The following PROZ variants were observed in gnomAD, a reference collection of about 807,000 sequenced individuals.
PROZ encodes the protein protein Z, vitamin K dependent plasma glycoprotein, also known as vitamin K-dependent protein Z.
PROZ carries 46 observed loss-of-function variants against 34.9 expected under a neutral mutation model. That is an observed-to-expected ratio of 1.32 (90% CI 1.04 to 1.69). The LOEUF (loss-of-function observed/expected upper bound fraction) is 1.69. Among genes scored for constraint, PROZ ranks in the 40% most tolerant of loss-of-function variants. The pLI, the probability that PROZ is intolerant of heterozygous loss-of-function variation, is 0.00. For synonymous variants in PROZ, 195 were observed against 208.5 expected (o/e 0.94, Z 0.56); for missense variants, 530 against 520.4 (o/e 1.02, Z -0.18).
intron 6 of PROZ, among the ~76,000 whole-genome samples, chr13:113,170,038 T>G (rs2037062812): frequency 1.3e-5 from 2 of 152,202 alleles, no homozygotes; most frequent in South Asian, 4.1e-4. Context: ...CTCTGCACCA[T>G]GGAAATTCTG....
intron 6 of PROZ, among the ~76,000 whole-genome samples, chr13:113,170,065 G>A (rs528832362): frequency 2.6e-5 from 4 of 152,158 alleles, no homozygotes; most frequent in Non-Finnish European, 4.4e-5. Flanking sequence ...AGCTGAGACC[G>A]TTGTTTCTTG....
At position 113,159,527 on chromosome 13, in the gene PROZ, G is replaced by T. The variant is rs923203694; in HGVS notation, c.71-487G>T. Among the ~76,000 whole-genome samples the T allele has an allele frequency of 2.0e-5, 3 of 152,158 alleles. No homozygotes were observed. Among genetic ancestry groups the T allele is most frequent in the African/African-American group, 7.2e-5 (3 of 41,426 alleles). On this transcript the variant is annotated intron_variant, in intron 1 of 7. Coordinates refer to ENST00000375547, the MANE Select transcript of PROZ (RefSeq NM_003891.3). This position sits in a 1 kb window ranked among gnomAD's most constrained non-coding sequence, Gnocchi z 4.6. ...GGAAGAGGCTCCAGAGACCACTGCC[G>T]CGGGTCAACTCATTTGCCTTCTCCT... is the stretch of plus-strand genomic sequence containing the variant.
Position 113,171,752 on chromosome 13 carries a change from G to A in PROZ, c.850G>A (p.Glu284Lys), listed in dbSNP as rs371908264. The change falls in exon 8 of 8, where the codon GAG becomes AAG. Residue 284 changes from glutamate (E) to lysine (K), a missense_variant. By Grantham distance (56) the Glu-to-Lys change is moderately conservative (BLOSUM62 1). Coordinates refer to ENST00000375547, the MANE Select transcript of PROZ (RefSeq NM_003891.3). The surrounding 1 kb of genome is among the most constrained non-coding windows in gnomAD (Gnocchi z 5.1). ...PGAGLPVCTP[E>K]KDFAEHLLIP... is the part of the protein sequence containing the mutation. ...TGCGGGGCTCCCCGTGTGCACCCCT[G>A]AGAAAGACTTCGCTGAGCACCTCCT... The A allele has an allele frequency of 1.4e-5, 22 of 1,611,976 alleles. No individual in the cohort carries two copies. Among genetic ancestry groups the A allele is most frequent in the Non-Finnish European group, 1.9e-5 (22 of 1,178,668 alleles).
intron 6 of PROZ, among the ~76,000 whole-genome samples, chr13:113,165,469 G>A (rs2036899276): frequency 6.6e-6 from 1 of 152,138 alleles, no homozygotes; most frequent in Non-Finnish European, 1.5e-5. Context: ...CTCTAGTTTG[G>A]CATTCATTTT....
chr13:113,164,248 G>A (rs902504075), intron 4 of PROZ, among the ~76,000 whole-genome samples: 2 of 152,066 alleles, frequency 1.3e-5, no homozygotes, highest in South Asian at 2.1e-4. Flanking sequence ...AAAGTGCTGG[G>A]ATTACAGGCA....
At chr13:113,170,300 GGGGGGT>G (rs1174591007) in intron 6 of PROZ, 107 bp from the exon 7 acceptor site, 64 of 664,586 alleles carry the variant, frequency 9.6e-5, no homozygotes, top group Middle Eastern at 7.9e-4. Context: ...TGCCTTTGGC[GGGGGGT>G]GGGGGTGGGG....
Position 113,172,159 on chromosome 13 carries a change from T to G in PROZ, c.*54T>G. On this transcript the variant is annotated 3_prime_UTR_variant, in exon 8 of 8. Transcript: ENST00000375547. ...CACAACCGGAAGCGGGATTCCAAGC[T>G]GGCACTGCCACTGTGGAGGGCGCTG... is the stretch of plus-strand genomic sequence containing the variant. 6.3e-7 allele frequency: 1 copy of G among 1,596,642 alleles called. No individual in the cohort carries two copies. Among genetic ancestry groups the G allele is most frequent in the Non-Finnish European group, 8.5e-7 (1 of 1,171,020 alleles).
rs1459169570 is a variant in PROZ, at chr13:113,171,154, C to G, written c.692-440C>G. Among the ~76,000 whole-genome samples the G allele has an allele frequency of 2.0e-5, 3 of 152,136 alleles. No individual in the cohort carries two copies. Among genetic ancestry groups the G allele is most frequent in the Admixed American group, 1.3e-4 (2 of 15,278 alleles). On this transcript the variant is annotated intron_variant, in intron 7 of 7. Transcript: ENST00000375547. This position sits in a 1 kb window ranked among gnomAD's most constrained non-coding sequence, Gnocchi z 5.1. ...GGAAAAGCTGGTCTTTACTCCTGGC[C>G]TTAAGTGATCGACCTGCCTCGGCCT...
At position 113,159,892 on chromosome 13, in the gene PROZ, G is replaced by A. The variant is rs2036730744; in HGVS notation, c.71-122G>A. On this transcript the variant is annotated intron_variant, in intron 1 of 7. Coordinates refer to ENST00000375547, the MANE Select transcript of PROZ (RefSeq NM_003891.3). The surrounding 1 kb of genome is among the most constrained non-coding windows in gnomAD (Gnocchi z 4.6). ...CGGGGTGGCCCTGAGGCCCTCGCAG[G>A]CTGAGAGCCTGTGGAGACGGACGGG... 1.6e-6 allele frequency: 2 copies of A among 1,228,602 alleles called. No individual in the cohort carries two copies. The highest frequency in any genetic ancestry group is 1.2e-5 in the South Asian group (1 of 82,728). 76.1% of individuals were successfully genotyped at this position (1,228,602 alleles called of 1,614,324 possible). A position where few individuals can be genotyped will look rare whatever the true frequency, so the allele number is the denominator to read the frequency against.
intron 4 of PROZ, among the ~76,000 whole-genome samples, chr13:113,163,586 A>G (rs1254455657): frequency 6.6e-6 from 1 of 152,194 alleles, no homozygotes; most frequent in Non-Finnish European, 1.5e-5. Flanking sequence ...ACCACTGGTC[A>G]ACTTGGAGCC....
chr13:113,158,858 T>A lies in PROZ; in HGVS notation c.70+128T>A. On this transcript the variant is annotated intron_variant, in intron 1 of 7. Transcript: ENST00000375547. The surrounding 1 kb of genome is among the most constrained non-coding windows in gnomAD (Gnocchi z 4.3). Reference sequence around the variant, plus strand: ...CCTGAGTGCCCAGACTAGTCTTAATTCCCCTGAAAAAGCTGTTTGGATCTT... The same window carrying A: ...CCTGAGTGCCCAGACTAGTCTTAATACCCCTGAAAAAGCTGTTTGGATCTT... 1.1e-6 allele frequency: 1 copy of A among 927,112 alleles called. No homozygotes were observed. Among genetic ancestry groups the A allele is most frequent in the Non-Finnish European group, 1.7e-6 (1 of 588,598 alleles). 57.4% of individuals were successfully genotyped at this position (927,112 alleles called of 1,614,324 possible). A position where few individuals can be genotyped will look rare whatever the true frequency, so the allele number is the denominator to read the frequency against.
chr13:113,162,908 C>A, intron 3 of PROZ, 101 bp from the exon 4 acceptor site: 1 of 577,802 alleles, frequency 1.7e-6, no homozygotes. Flanking sequence ...ACTCCATCCT[C>A]CTCCTGCTCA....
chr13:113,161,534 G>A (rs1277732134), intron 3 of PROZ, among the ~76,000 whole-genome samples: 1 of 152,168 alleles, frequency 6.6e-6, no homozygotes, highest in Non-Finnish European at 1.5e-5. Flanking sequence ...GACAAGCACG[G>A]GGACAACTGG....
intron 4 of PROZ, among the ~76,000 whole-genome samples, chr13:113,164,054 C>T (rs2036837600): frequency 6.6e-6 from 1 of 151,620 alleles, no homozygotes; most frequent in Non-Finnish European, 1.5e-5. Context: ...TGTCAGCTCA[C>T]TGCAACCTTT....
Position 113,163,135 on chromosome 13 carries a change from C to G in PROZ, c.373+13C>G. The G allele has an allele frequency of 6.5e-7, 1 of 1,538,588 alleles. No individual in the cohort carries two copies. The highest frequency in any genetic ancestry group is 8.8e-7 in the Non-Finnish European group (1 of 1,135,410). On this transcript the variant is annotated intron_variant, in intron 4 of 7. Coordinates refer to ENST00000375547, the MANE Select transcript of PROZ (RefSeq NM_003891.3). ...AACTGCGAGCTGGGTGAGGCCCCGGCCGTCCCCTTCCCCCAAGGGCCTCCC... is the reference window on the plus strand; with the variant it reads ...AACTGCGAGCTGGGTGAGGCCCCGGGCGTCCCCTTCCCCCAAGGGCCTCCC...
At position 113,160,932 on chromosome 13, in the gene PROZ, T is replaced by C. The variant is rs2036748273; in HGVS notation, c.235-16T>C. Reference sequence around the variant, plus strand: ...AAATATCCCATTTGTAACATTTTTATGTTTTAACTCTAAAGGATGAATTCT... The same window carrying C: ...AAATATCCCATTTGTAACATTTTTACGTTTTAACTCTAAAGGATGAATTCT... On this transcript the variant is annotated splice_polypyrimidine_tract_variant and intron_variant, in intron 2 of 7. Transcript: ENST00000375547. 6.3e-7 allele frequency: 1 copy of C among 1,593,092 alleles called. No individual in the cohort carries two copies. The highest frequency in any genetic ancestry group is 8.6e-7 in the Non-Finnish European group (1 of 1,161,322).
rs2036718060 is a variant in PROZ, at chr13:113,159,193, C to CA, written c.70+464dup. 1 of 1,532,618 alleles carries CA rather than the reference C, an allele frequency of 6.5e-7. No homozygotes were observed. The highest frequency in any genetic ancestry group is 1.4e-5 in the African/African-American group (1 of 72,630). The allele number at this position is 1,532,618 out of a possible 1,614,324, so 94.9% of individuals were successfully genotyped here. A position where few individuals can be genotyped will look rare whatever the true frequency, so the allele number is the denominator to read the frequency against. ...CCCTGCCTGCCTGCCACCCTTCTAC[C>CA]ACCAGCCACTTCACTGAAGGAACGA... On this transcript the variant is annotated intron_variant, in intron 1 of 7. Transcript: ENST00000375547. This position sits in a 1 kb window ranked among gnomAD's most constrained non-coding sequence, Gnocchi z 4.6.
In PROZ at chr13:113,159,310, C is replaced by A; in HGVS notation, c.70+580C>A. 3 of 1,495,822 alleles carry A rather than the reference C, an allele frequency of 2.0e-6. No individual in the cohort carries two copies. Among genetic ancestry groups the A allele is most frequent in the Non-Finnish European group, 2.7e-6 (3 of 1,097,254 alleles). 92.7% of individuals were successfully genotyped at this position (1,495,822 alleles called of 1,614,324 possible). On this transcript the variant is annotated intron_variant, in intron 1 of 7. Coordinates refer to ENST00000375547, the MANE Select transcript of PROZ (RefSeq NM_003891.3). This position sits in a 1 kb window ranked among gnomAD's most constrained non-coding sequence, Gnocchi z 4.6. ...TCCCCGCTGGCCCCATGGTCTCCCG[C>A]TGGCCCCATGGTCTCCCACCCTGAG...
chr13:113,171,714 T>A lies in PROZ; in HGVS notation c.812T>A (p.Ile271Asn), dbSNP rs2138613664. Residue 271 changes from isoleucine to asparagine, a missense_variant, in exon 8 of 8, where the codon ATC becomes AAC. By Grantham distance (149) the Ile-to-Asn change is moderately radical. Transcript: ENST00000375547. The surrounding 1 kb of genome is among the most constrained non-coding windows in gnomAD (Gnocchi z 5.1). ...DLSLLELEWP[I>N]QCPGAGLPVC... ...TCACTGCTGGAGCTGGAGTGGCCCA[T>A]CCAGTGCCCAGGTGCGGGGCTCCCC... The A allele has an allele frequency of 1.9e-6, 3 of 1,613,274 alleles. No homozygotes were observed. The highest frequency in any genetic ancestry group is 2.2e-5 in the East Asian group (1 of 44,868).
Sources: allele counts gnomAD v4.1 joint callset (sites outside exome capture counted in the v4.1 genomes callset), GRCh38; gene constraint gnomAD v4.1.1; non-coding constraint Gnocchi (gnomAD v3.1); transcripts MANE v1.5; gene names NCBI Gene and HGNC (gene_info 2026-07-23, HGNC 2026-07-21).